GCNT1: variants seen among roughly 807,000 people sequenced by gnomAD.
The protein encoded by GCNT1 is glucosaminyl (N-acetyl) transferase 1.
A neutral mutation model predicts 26.2 loss-of-function variants in GCNT1; 16 were observed. The ratio of observed to expected loss-of-function variants is 0.61; its 90% CI spans 0.41 to 0.93. The LOEUF is 0.93. GCNT1 is among the 40% of genes least tolerant of loss of function. The pLI is 0.00. For missense variants in GCNT1, 477 were observed against 526.7 expected, an observed-to-expected ratio of 0.91 and a Z score of 0.92; for synonymous variants, 183 against 190.8, an observed-to-expected ratio of 0.96 and a Z score of 0.34.
upstream of GCNT1, among the ~76,000 whole-genome samples, chr9:76,455,209 A>G (rs1398971346): frequency 3.3e-5 from 5 of 152,158 alleles, no homozygotes; most frequent in Non-Finnish European, 7.4e-5. Flanking sequence ...ATGTGAAAGC[A>G]GACTAATACA....
At chr9:76,453,985 C>A (rs929801731) in intron 1 of GCNT1, among the ~76,000 whole-genome samples, 2 of 152,120 alleles carry the variant, frequency 1.3e-5, no homozygotes, top group Non-Finnish European at 2.9e-5. Flanking sequence ...AGGGGAGGGA[C>A]GGCATTCTAA....
chr9:76,445,727 C>A (rs1230339596), intron 1 of GCNT1, among the ~76,000 whole-genome samples: 2 of 151,616 alleles, frequency 1.3e-5, no homozygotes, highest in African/African-American at 4.8e-5. Context: ...GTAATCCCAG[C>A]AATCTGGGAG....
the GCNT1 span, among the ~76,000 whole-genome samples, chr9:76,401,772 A>C: frequency 6.6e-6 from 1 of 152,162 alleles, no homozygotes; most frequent in African/African-American, 2.4e-5. Flanking sequence ...ACTCACTGCT[A>C]TAATCCCAGC....
chr9:76,450,590 C>T (rs1823649573), intron 1 of GCNT1, among the ~76,000 whole-genome samples: 1 of 152,152 alleles, frequency 6.6e-6, no homozygotes, highest in South Asian at 2.1e-4. Context: ...TCTTTTTCAA[C>T]TTTGCCAATC....
intron 1 of GCNT1, among the ~76,000 whole-genome samples, chr9:76,433,127 T>C (rs1426574728): frequency 1.3e-5 from 2 of 152,194 alleles, no homozygotes; most frequent in South Asian, 2.1e-4. Flanking sequence ...CACCCTTCAA[T>C]AGTCAGCATA....
chr9:76,495,320 T>C (rs545243370), intron 2 of GCNT1, among the ~76,000 whole-genome samples: 2 of 152,248 alleles, frequency 1.3e-5, no homozygotes, highest in Admixed American at 1.3e-4. Flanking sequence ...TTCCATTGAG[T>C]TCATGGTCTC....
chr9:76,452,922 T>C (rs933187211), intron 1 of GCNT1, among the ~76,000 whole-genome samples: 1 of 152,142 alleles, frequency 6.6e-6, no homozygotes, highest in African/African-American at 2.4e-5. Flanking sequence ...ACAGAACTAT[T>C]TGAACAAGCC....
At chr9:76,406,620 G>C in the GCNT1 span, among the ~76,000 whole-genome samples, 1 of 152,034 alleles carries the variant, frequency 6.6e-6, no homozygotes, top group South Asian at 2.1e-4. Context: ...AGAATTGCTT[G>C]AACCCAGGAG....
chr9:76,405,991 C>T, the GCNT1 span, among the ~76,000 whole-genome samples: 2 of 152,238 alleles, frequency 1.3e-5, no homozygotes, highest in East Asian at 3.9e-4. Context: ...ATGACTATAC[C>T]ATTTTGCATT....
intron 1 of GCNT1, among the ~76,000 whole-genome samples, chr9:76,426,237 G>A (rs1270913242): frequency 1.3e-5 from 2 of 152,150 alleles, no homozygotes; most frequent in East Asian, 1.9e-4. Context: ...AGGTTAAAAG[G>A]AAGATGGAGT....
chr9:76,430,688 T>C (rs58136435), intron 1 of GCNT1, among the ~76,000 whole-genome samples: 51,201 of 150,282 alleles, frequency 0.34, 9,157 homozygotes, highest in Middle Eastern at 0.41. Context: ...ACCTGGTTAG[T>C]CCTCTTTTTT....
At chr9:76,403,778 T>C in the GCNT1 span, among the ~76,000 whole-genome samples, 1 of 152,194 alleles carries the variant, frequency 6.6e-6, no homozygotes, top group African/African-American at 2.4e-5. Flanking sequence ...TATGTTTCAC[T>C]ATAGAAGAAG....
chr9:76,405,869 G>T, the GCNT1 span, among the ~76,000 whole-genome samples: 2 of 152,226 alleles, frequency 1.3e-5, no homozygotes, highest in African/African-American at 2.4e-5. Context: ...GCAGGTTTTT[G>T]TGTGAATATA....
intron 1 of GCNT1, among the ~76,000 whole-genome samples, chr9:76,432,443 A>T (rs1480121446): frequency 2.0e-5 from 3 of 152,118 alleles, no homozygotes; most frequent in Non-Finnish European, 4.4e-5. Flanking sequence ...TCTAGGCTCA[A>T]GCGGTCCCAC....
chr9:76,502,547 G>A lies in GCNT1; in HGVS notation c.166G>A (p.Asp56Asn). Residue 56 changes from aspartate (D) to asparagine (N), a missense_variant, in exon 4 of 4, where the codon GAT becomes AAT. Physicochemically the swap from Asp to Asn is conservative, Grantham distance 23 (BLOSUM62 1). Coordinates refer to ENST00000376730, the MANE Select transcript of GCNT1 (RefSeq NM_001490.5). Reference protein sequence around the residue: ...LELAGENPSSDINCTKVLQGD... With the variant: ...LELAGENPSSNINCTKVLQGD... Reference sequence around the variant, plus strand: ...GCTTGCTGGGGAGAATCCTAGTAGTGATATTAATTGCACCAAAGTTTTACA... The same window carrying A: ...GCTTGCTGGGGAGAATCCTAGTAGTAATATTAATTGCACCAAAGTTTTACA... The A allele has an allele frequency of 7.4e-6, 12 of 1,614,000 alleles. No homozygotes were observed. Among genetic ancestry groups the A allele is most frequent in the Non-Finnish European group, 1.0e-5 (12 of 1,179,940 alleles).
chr9:76,431,836 A>G (rs760638174), intron 1 of GCNT1, among the ~76,000 whole-genome samples: 7 of 152,194 alleles, frequency 4.6e-5, no homozygotes, highest in Non-Finnish European at 1.0e-4. Flanking sequence ...CAGGCCAGCC[A>G]CGTTGGCTCA....
intron 1 of GCNT1, among the ~76,000 whole-genome samples, chr9:76,429,113 C>T (rs906690602): frequency 6.6e-6 from 1 of 152,104 alleles, no homozygotes; most frequent in African/African-American, 2.4e-5. Context: ...ATTATTTCAT[C>T]CCCCAGGTAA....
chr9:76,497,910 C>T (rs1415898684), intron 2 of GCNT1, among the ~76,000 whole-genome samples: 2 of 152,118 alleles, frequency 1.3e-5, no homozygotes, highest in African/African-American at 2.4e-5. Context: ...ACAATATGTT[C>T]ACAAAGTTCT....
intron 2 of GCNT1, among the ~76,000 whole-genome samples, chr9:76,464,251 C>G (rs11144917): frequency 0.099 from 15,141 of 152,174 alleles, 1,224 homozygotes; most frequent in African/African-American, 0.23. Context: ...GGGTCTCACT[C>G]TGTTGCCCAG....
Sources: allele counts gnomAD v4.1 joint callset (sites outside exome capture counted in the v4.1 genomes callset), GRCh38; gene constraint gnomAD v4.1.1; transcripts MANE v1.5; gene names NCBI Gene and HGNC (gene_info 2026-07-23, HGNC 2026-07-21).